Variants in FRK observed in about 807,000 individuals in gnomAD.
The protein encoded by FRK is fyn related Src family tyrosine kinase, also known as tyrosine-protein kinase FRK.
A neutral mutation model predicts 56.4 loss-of-function variants in FRK; 51 were observed. The ratio of observed to expected loss-of-function variants is 0.90; its 90% confidence interval spans 0.72 to 1.14. The LOEUF (loss-of-function observed/expected upper bound fraction) is 1.14. Among genes scored for constraint, FRK ranks in the 50% most tolerant of loss-of-function variants. The pLI is 0.00. For missense variants in FRK, 570 were observed against 601.4 expected, an observed-to-expected ratio of 0.95 and a Z score of 0.55; for synonymous variants, 245 against 217.9, an observed-to-expected ratio of 1.12 and a Z score of -1.10.
chr6:115,996,731 G>C (rs1179575719), intron 2 of FRK, among the ~76,000 whole-genome samples: 1 of 152,144 alleles, frequency 6.6e-6, no homozygotes, highest in African/African-American at 2.4e-5. Flanking sequence ...TATGAAGATA[G>C]AGAAGAAGCA....
At chr6:115,993,246 A>G (rs1472133347) in intron 2 of FRK, among the ~76,000 whole-genome samples, 1 of 151,890 alleles carries the variant, frequency 6.6e-6, no homozygotes, top group African/African-American at 2.4e-5. Flanking sequence ...GCAGTTATCA[A>G]CTTTATCAAC....
In FRK at chr6:116,038,919, G is replaced by C. The variant is rs145954206; in HGVS notation, c.344+21049C>G. The C allele has an allele frequency of 3.2e-3, 2,000 of 628,220 alleles. 10 individuals carry two copies. The highest frequency in any genetic ancestry group is 4.1e-3 in the Non-Finnish European group (1,317 of 323,246). 38.9% of individuals were successfully genotyped at this position (628,220 alleles called of 1,614,324 possible). On this transcript the variant is annotated intron_variant, in intron 1 of 7. Coordinates refer to ENST00000606080, the MANE Select transcript of FRK (RefSeq NM_002031.3). Reference sequence around the variant, plus strand: ...TATACCGACTTTGCCCCAGAAGCTAGAGCCCAAGATTGCTGTGGCTGCGCA... The same window carrying C: ...TATACCGACTTTGCCCCAGAAGCTACAGCCCAAGATTGCTGTGGCTGCGCA...
chr6:116,097,352 T>C, the FRK span, among the ~76,000 whole-genome samples: 1 of 152,172 alleles, frequency 6.6e-6, no homozygotes, highest in Non-Finnish European at 1.5e-5. Flanking sequence ...CCACAGAAGA[T>C]ATGTAGATTG....
chr6:116,088,092 A>G, the FRK span, among the ~76,000 whole-genome samples: 3 of 152,160 alleles, frequency 2.0e-5, no homozygotes, highest in African/African-American at 4.8e-5. Context: ...TTCATGGGAC[A>G]TGCCAGCAGA....
chr6:115,935,064 C>T lies in FRK; in HGVS notation c.*7350G>A, dbSNP rs1772019997. 6.6e-6 allele frequency: 1 copy of T among 152,338 alleles called. No individual in the cohort carries two copies. The highest frequency in any genetic ancestry group is 2.1e-4 in the South Asian group (1 of 4,832). 9.4% of individuals were successfully genotyped at this position (152,338 alleles called of 1,614,324 possible). On this transcript the variant is annotated 3_prime_UTR_variant, in exon 8 of 8. Transcript: ENST00000606080. ...CTGGTCTGATTGCTGGCAAGATGGC[C>T]AAATAGGAACAGCTCTGGTCTGCAG...
chr6:116,049,107 C>G (rs970187718), intron 1 of FRK, among the ~76,000 whole-genome samples: 6 of 152,148 alleles, frequency 3.9e-5, no homozygotes, highest in African/African-American at 1.4e-4. Context: ...CCTACCTCCT[C>G]GTAGTCTTTT....
intron 1 of FRK, among the ~76,000 whole-genome samples, chr6:116,021,595 C>T (rs1178957741): frequency 2.0e-5 from 3 of 152,094 alleles, no homozygotes; most frequent in African/African-American, 7.2e-5. Flanking sequence ...TGCCTGCAGT[C>T]TTCATGCCCA....
chr6:115,944,542 T>A, intron 5 of FRK, 117 bp from the exon 6 acceptor site: 3 of 687,464 alleles, frequency 4.4e-6, no homozygotes, highest in Non-Finnish European at 7.2e-6. Context: ...ATGGCACTGA[T>A]CTGTTGAGCA....
intron 1 of FRK, among the ~76,000 whole-genome samples, chr6:116,020,009 C>G (rs538367068): frequency 6.6e-6 from 1 of 152,038 alleles, no homozygotes; most frequent in African/African-American, 2.4e-5. Context: ...TATTTGCAAT[C>G]CTAAATGTGC....
chr6:115,944,154 G>C (rs1384749816), intron 6 of FRK, 90 bp downstream of exon 6: 9 of 1,084,600 alleles, frequency 8.3e-6, no homozygotes, highest in Non-Finnish European at 1.2e-5. Flanking sequence ...GAGAAACATT[G>C]TTTTAAAGAA....
chr6:116,080,801 A>C, the FRK span, among the ~76,000 whole-genome samples: 1 of 152,336 alleles, frequency 6.6e-6, no homozygotes, highest in Middle Eastern at 3.4e-3. Flanking sequence ...TAACACTACA[A>C]TGAGATCTAT....
chr6:116,090,761 C>G, the FRK span, among the ~76,000 whole-genome samples: 1 of 152,102 alleles, frequency 6.6e-6, no homozygotes, highest in East Asian at 1.9e-4. Flanking sequence ...AAAAGAACAG[C>G]CAAAGTCAAA....
chr6:115,942,833 G>T (rs192383690), intron 7 of FRK, among the ~76,000 whole-genome samples, 187 bp downstream of exon 7: 6 of 152,128 alleles, frequency 3.9e-5, no homozygotes, highest in Admixed American at 3.9e-4. Flanking sequence ...CACTAGCAAA[G>T]GAGAGGGAAG....
intron 1 of FRK, among the ~76,000 whole-genome samples, chr6:116,036,947 A>C (rs1776507556): frequency 1.3e-5 from 2 of 152,174 alleles, no homozygotes; most frequent in South Asian, 2.1e-4. Context: ...GAGCATGCCA[A>C]GAGAAAAAAA....
At chr6:115,986,319 T>C (rs1582682097) in intron 2 of FRK, among the ~76,000 whole-genome samples, 1 of 152,106 alleles carries the variant, frequency 6.6e-6, no homozygotes, top group East Asian at 1.9e-4. Flanking sequence ...TTAGCCTGAG[T>C]TCCAGAATGA....
intron 2 of FRK, among the ~76,000 whole-genome samples, chr6:116,001,146 G>A (rs1225970888): frequency 6.6e-6 from 1 of 151,934 alleles, no homozygotes; most frequent in Non-Finnish European, 1.5e-5. Context: ...GCTGAGGGAG[G>A]AGAATTGCTT....
chr6:115,960,301 C>T (rs1348285099), intron 4 of FRK, among the ~76,000 whole-genome samples: 5 of 150,814 alleles, frequency 3.3e-5, no homozygotes, highest in Admixed American at 6.6e-5. Context: ...CCTGGAAAAT[C>T]GGGTCACTCC....
At chr6:115,951,842 A>G (rs1189250715) in intron 5 of FRK, among the ~76,000 whole-genome samples, 2 of 152,200 alleles carry the variant, frequency 1.3e-5, no homozygotes, top group African/African-American at 4.8e-5. Flanking sequence ...TACAACCAAC[A>G]GAGGTCAAAA....
chr6:116,042,272 C>T (rs559565319), intron 1 of FRK, among the ~76,000 whole-genome samples: 6 of 152,212 alleles, frequency 3.9e-5, no homozygotes, highest in African/African-American at 1.4e-4. Flanking sequence ...ATAAAATTCC[C>T]ATCTCCCTAG....
Sources: allele counts gnomAD v4.1 joint callset (sites outside exome capture counted in the v4.1 genomes callset), GRCh38; gene constraint gnomAD v4.1.1; transcripts MANE v1.5; gene names NCBI Gene and HGNC (gene_info 2026-07-23, HGNC 2026-07-21).